The following SLC41A3 variants were observed in gnomAD, a reference collection of about 807,000 sequenced individuals.
SLC41A3 encodes the protein SLC41A1-like 2.
In SLC41A3, 44 loss-of-function variants were observed where a neutral mutation model predicts 45.4. The observed-to-expected ratio is 0.97, with a 90% CI of 0.76 to 1.25. The LOEUF is 1.25. Ranked by LOEUF, SLC41A3 falls within the 50% of genes most tolerant of loss-of-function variation. SLC41A3 has a pLI of 0.00. For missense variants in SLC41A3, 550 were observed against 600.6 expected (o/e 0.92, Z 0.88); for synonymous variants, 256 against 252.4 (o/e 1.01, Z -0.13).
intron 3 of SLC41A3, among the ~76,000 whole-genome samples, chr3:126,044,611 G>C (rs138984726): frequency 2.6e-4 from 40 of 152,292 alleles, no homozygotes; most frequent in African/African-American, 8.7e-4. Flanking sequence ...AAATCATACA[G>C]AGGGCCGGGC....
At chr3:126,043,829 C>CAA (rs370988840) in intron 3 of SLC41A3, among the ~76,000 whole-genome samples, 1 of 23,724 alleles carries the variant, frequency 4.2e-5, no homozygotes, top group African/African-American at 9.1e-5. Context: ...AACAAAAAAA[C>CAA]AAAAAAAAAA....
chr3:126,066,904 A>G (rs1237494795), intron 2 of SLC41A3, among the ~76,000 whole-genome samples: 1 of 152,210 alleles, frequency 6.6e-6, no homozygotes, highest in Non-Finnish European at 1.5e-5. Context: ...AATTACCCAC[A>G]GGTGTGTTGA....
intron 3 of SLC41A3, 135 bp from the exon 4 acceptor site, chr3:126,033,813 C>T: frequency 1.1e-6 from 1 of 890,398 alleles, no homozygotes. Context: ...AATTCCTCTG[C>T]TCAGCTCTCC....
At chr3:126,023,797 G>C (rs757865069) in intron 5 of SLC41A3, 2 of 152,306 alleles carry the variant, frequency 1.3e-5, no homozygotes, top group Admixed American at 6.5e-5. Flanking sequence ...CACAGCCTAG[G>C]ACTTGACTCA....
intron 1 of SLC41A3, among the ~76,000 whole-genome samples, chr3:126,069,337 C>A (rs1412839871): frequency 6.6e-6 from 1 of 152,094 alleles, no homozygotes; most frequent in Non-Finnish European, 1.5e-5. Flanking sequence ...AGGAGGCACA[C>A]TCATTCCCTG....
intron 2 of SLC41A3, among the ~76,000 whole-genome samples, chr3:126,055,604 C>T (rs542355743): frequency 3.3e-5 from 5 of 152,192 alleles, no homozygotes; most frequent in African/African-American, 1.2e-4. Flanking sequence ...TCCACAGCAG[C>T]GGTGATAGAG....
chr3:126,040,416 G>A (rs767625480), intron 3 of SLC41A3, among the ~76,000 whole-genome samples: 4 of 152,142 alleles, frequency 2.6e-5, no homozygotes, highest in East Asian at 3.9e-4. Flanking sequence ...TTGGGTTGAC[G>A]AGAGAATTCA....
At chr3:126,010,101 C>A (rs1939548638) in intron 9 of SLC41A3, among the ~76,000 whole-genome samples, 2 of 152,216 alleles carry the variant, frequency 1.3e-5, no homozygotes, top group South Asian at 4.1e-4. Context: ...TGTCCTTTTT[C>A]TCTTTCTTTC....
chr3:126,090,064 G>A (rs926256092), intron 1 of SLC41A3, among the ~76,000 whole-genome samples: 1 of 139,306 alleles, frequency 7.2e-6, no homozygotes, highest in African/African-American at 2.6e-5. Flanking sequence ...AGTTATTTGA[G>A]TGAAGTATGT....
intron 3 of SLC41A3, among the ~76,000 whole-genome samples, chr3:126,049,625 T>C (rs1943194109): frequency 6.6e-6 from 1 of 152,344 alleles, no homozygotes; most frequent in Non-Finnish European, 1.5e-5. Flanking sequence ...ACATGAGTTG[T>C]GTGTGCATGT....
intron 2 of SLC41A3, among the ~76,000 whole-genome samples, chr3:126,066,204 G>T (rs756285681): frequency 2.0e-5 from 3 of 152,326 alleles, no homozygotes; most frequent in Admixed American, 6.5e-5. Context: ...TGTCCACATG[G>T]AGAGGACCTG....
intron 9 of SLC41A3, 104 bp from the exon 10 acceptor site, chr3:126,008,984 C>A: frequency 7.0e-7 from 1 of 1,426,876 alleles, no homozygotes; most frequent in Non-Finnish European, 9.7e-7. Flanking sequence ...CATTTATTCC[C>A]AAGTGTTCAC....
In SLC41A3 at chr3:126,009,402, G is replaced by A. The variant is rs971205065; in HGVS notation, c.1106-522C>T. On this transcript the variant is annotated intron_variant, in intron 9 of 10. Coordinates refer to ENST00000360370, the MANE Select transcript of SLC41A3 (RefSeq NM_017836.4). ...CTCGGGCAGCCCCTTCTTCATAGCA[G>A]CCTCTGTGGCCCTGTCAGCATACCT... 2.6e-5 allele frequency among the ~76,000 whole-genome samples: 4 copies of A among 152,178 alleles called. No homozygotes were observed. The South Asian group carries it at 8.3e-4, about 32-fold the overall frequency.
At chr3:126,035,042 A>T (rs1420838389) in intron 3 of SLC41A3, among the ~76,000 whole-genome samples, 1 of 152,230 alleles carries the variant, frequency 6.6e-6, no homozygotes, top group Non-Finnish European at 1.5e-5. Flanking sequence ...CAAGAGGTAA[A>T]GCGGTGAGGG....
intron 6 of SLC41A3, 93 bp from the exon 7 acceptor site, chr3:126,016,968 A>T: frequency 6.6e-7 from 1 of 1,525,984 alleles, no homozygotes; most frequent in Non-Finnish European, 8.8e-7. Context: ...GTGGGTGAGG[A>T]CGCTCCTGTC....
intron 1 of SLC41A3, among the ~76,000 whole-genome samples, chr3:126,093,440 C>A (rs1576388797): frequency 6.6e-6 from 1 of 151,198 alleles, no homozygotes. Flanking sequence ...CACCCCTGTA[C>A]AATGTCTTTC....
At chr3:126,088,593 A>C (rs1945436552), upstream of SLC41A3, among the ~76,000 whole-genome samples, 1 of 152,222 alleles carries the variant, frequency 6.6e-6, no homozygotes, top group Non-Finnish European at 1.5e-5. Context: ...TTTAGAATGA[A>C]GAAAAAAATA....
At chr3:126,080,116 G>A (rs962713102) in intron 1 of SLC41A3, among the ~76,000 whole-genome samples, 3 of 152,150 alleles carry the variant, frequency 2.0e-5, no homozygotes, top group African/African-American at 7.2e-5. Context: ...GAAACTACTA[G>A]TAGAAAATAT....
chr3:126,062,154 T>A (rs1195696206), intron 2 of SLC41A3, among the ~76,000 whole-genome samples: 1 of 152,234 alleles, frequency 6.6e-6, no homozygotes, highest in Non-Finnish European at 1.5e-5. Context: ...CAGGCCAATA[T>A]GGCTCATTCC....
Sources: allele counts gnomAD v4.1 joint callset (sites outside exome capture counted in the v4.1 genomes callset), GRCh38; gene constraint gnomAD v4.1.1; transcripts MANE v1.5; gene names NCBI Gene and HGNC (gene_info 2026-07-23, HGNC 2026-07-21).